Variants in HCN1 observed in about 807,000 individuals in gnomAD.
HCN1 encodes the protein hyperpolarization activated cyclic nucleotide gated potassium channel 1, also known as potassium/sodium hyperpolarization-activated cyclic nucleotide-gated channel 1.
HCN1 carries 13 observed loss-of-function variants against 78.9 expected under a neutral mutation model. The observed-to-expected ratio is 0.16, with a 90% CI of 0.11 to 0.26. The LOEUF (loss-of-function observed/expected upper bound fraction) is 0.26, where lower values mean the gene tolerates loss of function less well. Among genes scored for constraint, HCN1 ranks in the 10% least tolerant of loss-of-function variants. The pLI is 1.00. For missense variants in HCN1, 810 were observed against 1,154.3 expected, an observed-to-expected ratio of 0.70 and a Z score of 4.32; for synonymous variants, 552 against 455.5, an observed-to-expected ratio of 1.21 and a Z score of -2.70.
At chr5:45,605,885 TAA>T (rs1744719378) in intron 2 of HCN1, among the ~76,000 whole-genome samples, 1 of 152,022 alleles carries the variant, frequency 6.6e-6, no homozygotes, top group Non-Finnish European at 1.5e-5. Flanking sequence ...TGAGAGAAAT[TAA>T]TACATCTAAA....
intron 2 of HCN1, among the ~76,000 whole-genome samples, chr5:45,563,173 G>A (rs1016327944): frequency 2.6e-5 from 4 of 152,112 alleles, no homozygotes; most frequent in Non-Finnish European, 5.9e-5. Flanking sequence ...GTGAAGGCCG[G>A]GTGCGGTGGC....
At chr5:45,312,992 C>T (rs1745889243) in intron 5 of HCN1, among the ~76,000 whole-genome samples, 1 of 152,148 alleles carries the variant, frequency 6.6e-6, no homozygotes, top group Non-Finnish European at 1.5e-5. Flanking sequence ...CTTAAATGTC[C>T]CTGTCTGACA....
At chr5:45,492,392 A>AATATATATATATATATATAT (rs35781186) in intron 2 of HCN1, among the ~76,000 whole-genome samples, 11 of 121,370 alleles carry the variant, frequency 9.1e-5, no homozygotes, top group African/African-American at 3.2e-4. Flanking sequence ...TCTTTAAATG[A>AATATATATATATATATATAT]ATATATATAT....
At chr5:45,459,232 C>G (rs531865428) in intron 3 of HCN1, among the ~76,000 whole-genome samples, 48 of 151,572 alleles carry the variant, frequency 3.2e-4, no homozygotes, top group Admixed American at 5.9e-4. Context: ...AGCAAGACCC[C>G]CATCTCAAAA....
intron 6 of HCN1, among the ~76,000 whole-genome samples, chr5:45,276,117 T>C (rs992448494): frequency 1.4e-4 from 22 of 152,076 alleles, no homozygotes; most frequent in Admixed American, 5.2e-4. Context: ...ATAGTCTCCA[T>C]AGGCAATATA....
chr5:45,309,317 G>A (rs1459347991), intron 5 of HCN1, among the ~76,000 whole-genome samples: 2 of 152,110 alleles, frequency 1.3e-5, no homozygotes, highest in South Asian at 4.1e-4. Context: ...CGCAAACAGG[G>A]ATAGCTTGAC....
intron 5 of HCN1, among the ~76,000 whole-genome samples, chr5:45,342,217 A>G (rs1361631107): frequency 2.0e-5 from 3 of 151,006 alleles, no homozygotes; most frequent in Non-Finnish European, 4.4e-5. Context: ...TCTTTTTGAA[A>G]TCTTTTCATA....
chr5:45,428,860 T>C (rs1740406688), intron 3 of HCN1, among the ~76,000 whole-genome samples: 1 of 152,042 alleles, frequency 6.6e-6, no homozygotes, highest in Non-Finnish European at 1.5e-5. Flanking sequence ...GTACTATATA[T>C]ATTATACACA....
chr5:45,384,225 C>T (rs912493437), intron 4 of HCN1, among the ~76,000 whole-genome samples: 7 of 152,064 alleles, frequency 4.6e-5, no homozygotes, highest in Admixed American at 6.6e-5. Flanking sequence ...ATGCCAAGTA[C>T]ATTTCCTTTC....
chr5:45,317,114 G>T (rs6867827), intron 5 of HCN1, among the ~76,000 whole-genome samples: 49,279 of 151,916 alleles, frequency 0.32, 10,320 homozygotes, highest in African/African-American at 0.58. Flanking sequence ...GCCAAGTCAA[G>T]CCTAAGCCGA....
intron 5 of HCN1, among the ~76,000 whole-genome samples, chr5:45,326,758 T>G (rs1360757743): frequency 2.6e-5 from 4 of 151,658 alleles, no homozygotes; most frequent in African/African-American, 9.7e-5. Flanking sequence ...AGTTCTGGTA[T>G]GCATTTAATT....
At chr5:45,424,372 G>T (rs992408983) in intron 3 of HCN1, among the ~76,000 whole-genome samples, 1 of 151,848 alleles carries the variant, frequency 6.6e-6, no homozygotes, top group Admixed American at 6.6e-5. Flanking sequence ...CCTAAGAATC[G>T]TGTCAACATA....
chr5:45,279,695 A>T (rs1745123686), intron 6 of HCN1, among the ~76,000 whole-genome samples: 1 of 152,108 alleles, frequency 6.6e-6, no homozygotes, highest in African/African-American at 2.4e-5. Context: ...TTTCACTGGT[A>T]CCTCATACAT....
intron 5 of HCN1, among the ~76,000 whole-genome samples, chr5:45,315,712 T>TA (rs1474207164): frequency 1.3e-5 from 2 of 151,530 alleles, no homozygotes; most frequent in Non-Finnish European, 2.9e-5. Context: ...ATAGACACAA[T>TA]AAAAAATGGT....
At chr5:45,568,283 C>T (rs991927957) in intron 2 of HCN1, among the ~76,000 whole-genome samples, 1 of 151,934 alleles carries the variant, frequency 6.6e-6, no homozygotes, top group African/African-American at 2.4e-5. Context: ...AGACTCTCTA[C>T]CTTAATAAGG....
At chr5:45,439,634 T>A (rs1311502186) in intron 3 of HCN1, among the ~76,000 whole-genome samples, 1 of 152,124 alleles carries the variant, frequency 6.6e-6, no homozygotes, top group African/African-American at 2.4e-5. Flanking sequence ...TGTATCATGA[T>A]GTAAGTAGAG....
At chr5:45,533,524 C>T (rs1355221433) in intron 2 of HCN1, among the ~76,000 whole-genome samples, 1 of 152,204 alleles carries the variant, frequency 6.6e-6, no homozygotes, top group Non-Finnish European at 1.5e-5. Flanking sequence ...ATGACTGTCT[C>T]ATATGTACTG....
intron 1 of HCN1, among the ~76,000 whole-genome samples, chr5:45,674,672 G>A (rs1746228768): frequency 6.6e-6 from 1 of 151,738 alleles, no homozygotes; most frequent in Admixed American, 6.6e-5. Flanking sequence ...CAGTTGACAA[G>A]ATTTTTCAAT....
At position 45,639,868 on chromosome 5, in the gene HCN1, A is replaced by AG. The variant is rs1745420442; in HGVS notation, c.849+5316_849+5317insC. ...TCTAAAATGTAAATCCCCTGCCTAA[A>AG]ATGTATCAATGGCACCTTTTGATTA... On this transcript the variant is annotated intron_variant, in intron 2 of 7. Transcript: ENST00000303230. Among the ~76,000 whole-genome samples the AG allele has an allele frequency of 2.0e-4, 31 of 152,060 alleles. 1 individual carries two copies. The highest frequency in any genetic ancestry group is 2.0e-3 in the Admixed American group (31 of 15,250).
Sources: gnomAD v4.1 joint callset for allele counts (sites outside exome capture counted in the v4.1 genomes callset) on GRCh38, gnomAD v4.1.1 for gene constraint, MANE v1.5 for transcripts, NCBI Gene and HGNC (gene_info 2026-07-23, HGNC 2026-07-21) for gene names.